NFU1: variants seen among roughly 807,000 people sequenced by gnomAD.
The protein encoded by NFU1 is NFU1 iron-sulfur cluster scaffold.
NFU1 carries 30 observed loss-of-function variants against 32.2 expected under a neutral mutation model. The ratio of observed to expected loss-of-function variants is 0.93; its 90% CI spans 0.70 to 1.26. The LOEUF (loss-of-function observed/expected upper bound fraction) is 1.26. Ranked by LOEUF, NFU1 falls within the 50% of genes most tolerant of loss-of-function variation. NFU1 has a pLI of 0.00. For synonymous variants in NFU1, 112 were observed against 104.6 expected (o/e 1.07, Z -0.43); for missense variants, 306 against 306.6 (o/e 1.00, Z 0.02).
chr2:69,403,401 T>C (rs921487944), intron 6 of NFU1, among the ~76,000 whole-genome samples: 1 of 152,080 alleles, frequency 6.6e-6, no homozygotes, highest in African/African-American at 2.4e-5. Flanking sequence ...CATTTTTTTT[T>C]TTCTGGTGAG....
intron 5 of NFU1, among the ~76,000 whole-genome samples, chr2:69,410,248 G>T (rs1672834164): frequency 6.6e-6 from 1 of 152,062 alleles, no homozygotes; most frequent in African/African-American, 2.4e-5. Context: ...AATCAGTCGG[G>T]CATGGTGTTT....
intron 6 of NFU1, among the ~76,000 whole-genome samples, chr2:69,402,650 C>T (rs1391014378): frequency 6.6e-6 from 1 of 151,848 alleles, no homozygotes; most frequent in African/African-American, 2.4e-5. Context: ...GGCTCGATCT[C>T]GGCTCACTGT....
intron 3 of NFU1, among the ~76,000 whole-genome samples, chr2:69,420,620 T>C (rs1673205749): frequency 6.6e-6 from 1 of 152,226 alleles, no homozygotes; most frequent in Admixed American, 6.5e-5. Flanking sequence ...AGTTGCTTTC[T>C]TCACTTGTAT....
intron 5 of NFU1, among the ~76,000 whole-genome samples, chr2:69,408,734 TTATATATATATATATATA>T (rs70954344): frequency 0.041 from 5,571 of 136,326 alleles, 328 homozygotes; most frequent in African/African-American, 0.12. Context: ...ATATAAAATT[TTATATATATATATATATA>T]TATATATATA....
intron 5 of NFU1, among the ~76,000 whole-genome samples, chr2:69,408,435 A>T (rs1672769321): frequency 6.6e-6 from 1 of 152,220 alleles, no homozygotes; most frequent in East Asian, 1.9e-4. Context: ...ATATATATCA[A>T]AAGGCTGGGC....
chr2:69,423,146 TTGTGTGTGTGTGTGTGTGTGTA>T (rs1673301584), intron 3 of NFU1, among the ~76,000 whole-genome samples: 1 of 132,132 alleles, frequency 7.6e-6, no homozygotes, highest in African/African-American at 3.2e-5. Flanking sequence ...TCAGCTAAAT[TTGTGTGTGTGTGTGTGTGTGTA>T]TGTGTGTGTG....
rs1309213407 is a variant in NFU1 at position 69,437,410 on chromosome 2, C to T, written c.13G>A (p.Ala5Thr). 5 of 1,610,500 alleles carry T rather than the reference C, an allele frequency of 3.1e-6. 1 individual carries two copies. The South Asian group carries it at 4.4e-5, about 14-fold the overall frequency. Residue 5 changes from alanine (A) to threonine (T), a missense_variant, in exon 1 of 8, where the codon GCC becomes ACC. By Grantham distance (58) the Ala-to-Thr change is moderately conservative (BLOSUM62 0). Coordinates refer to ENST00000410022, the MANE Select transcript of NFU1 (RefSeq NM_001002755.4). MAATARRGWGAAAVA... is the reference protein window; with the variant it reads MAATTRRGWGAAAVA... The stretch of plus-strand genomic sequence containing the variant: ...GCCGCAGCTCCCCAGCCCCGCCTGG[C>T]CGTCGCCGCCATCTTAGTCCGGAGT...
intron 4 of NFU1, among the ~76,000 whole-genome samples, chr2:69,418,616 G>A (rs987065378): frequency 5.9e-5 from 9 of 151,990 alleles, no homozygotes; most frequent in Non-Finnish European, 1.2e-4. Context: ...ACAGGCGCCC[G>A]CCACCATGCC....
chr2:69,397,056 A>G (rs1672363633), intron 7 of NFU1, among the ~76,000 whole-genome samples: 1 of 151,706 alleles, frequency 6.6e-6, no homozygotes, highest in African/African-American at 2.4e-5. Flanking sequence ...GCTTGGTGAT[A>G]GAGCAAGACT....
chr2:69,433,049 C>T (rs551910977), intron 1 of NFU1, among the ~76,000 whole-genome samples: 61 of 141,334 alleles, frequency 4.3e-4, no homozygotes, highest in African/African-American at 1.6e-3. Flanking sequence ...ACTCGGGAGG[C>T]TGAGGCAGAG....
At chr2:69,422,266 A>G (rs1036281447) in intron 3 of NFU1, among the ~76,000 whole-genome samples, 2 of 152,194 alleles carry the variant, frequency 1.3e-5, no homozygotes, top group Non-Finnish European at 2.9e-5. Context: ...TGCTACTCAG[A>G]AAAGCAGCAC....
chr2:69,405,974 A>C (rs1672680311), intron 6 of NFU1, 48 bp downstream of exon 6: 4 of 1,213,824 alleles, frequency 3.3e-6, no homozygotes, highest in Non-Finnish European at 4.9e-6. Flanking sequence ...GCTATAATGA[A>C]AAATGCCTCC....
intron 2 of NFU1, among the ~76,000 whole-genome samples, chr2:69,426,663 C>T (rs1330129979): frequency 6.6e-6 from 1 of 152,210 alleles, no homozygotes; most frequent in Non-Finnish European, 1.5e-5. Flanking sequence ...AAAGAGATAA[C>T]ACAATCTTTA....
intron 2 of NFU1, among the ~76,000 whole-genome samples, chr2:69,430,863 G>A (rs530759353): frequency 6.6e-6 from 1 of 152,186 alleles, no homozygotes; most frequent in Non-Finnish European, 1.5e-5. Context: ...GAATCAGCCA[G>A]AGTATGGCCA....
chr2:69,403,033 C>T (rs1449721710), intron 6 of NFU1, among the ~76,000 whole-genome samples: 1 of 148,988 alleles, frequency 6.7e-6, no homozygotes. Context: ...CCCTCCCTCT[C>T]TCTTTCTTTC....
At position 69,420,603 on chromosome 2, in the gene NFU1, T is replaced by G. The variant is rs187551032; in HGVS notation, c.303-999A>C. Reference sequence around the variant, plus strand: ...ACATAGTATCATATTGGACTCACTGTTCTGCAAGTTGCTTTCTTCACTTGT... The same window carrying G: ...ACATAGTATCATATTGGACTCACTGGTCTGCAAGTTGCTTTCTTCACTTGT... On this transcript the variant is annotated intron_variant, in intron 3 of 7. Transcript: ENST00000410022. 2.4e-4 allele frequency among the ~76,000 whole-genome samples: 36 copies of G among 152,330 alleles called. 1 individual carries two copies. In the East Asian group the frequency reaches 6.4e-3, roughly 27 times the overall value.
intron 5 of NFU1, among the ~76,000 whole-genome samples, chr2:69,413,115 T>C (rs554887613): frequency 4.6e-5 from 7 of 150,920 alleles, no homozygotes; most frequent in African/African-American, 1.7e-4. Context: ...TGAAACCCCG[T>C]CTCTACTAAA....
chr2:69,423,272 GTGTGTGTGTGTGTGTGTA>G (rs1673325226), intron 3 of NFU1, among the ~76,000 whole-genome samples: 7 of 137,476 alleles, frequency 5.1e-5, no homozygotes, highest in African/African-American at 1.4e-4. Flanking sequence ...GTGTGTGTGT[GTGTGTGTGTGTGTGTGTA>G]TGTGTGTGTG....
At chr2:69,437,782 G>A (rs1357619693), upstream of NFU1, among the ~76,000 whole-genome samples, 1 of 152,152 alleles carries the variant, frequency 6.6e-6, no homozygotes, top group Non-Finnish European at 1.5e-5. Context: ...CCCTCCTCTA[G>A]GACCCTACTC....
Sources: allele counts gnomAD v4.1 joint callset (sites outside exome capture counted in the v4.1 genomes callset), GRCh38; gene constraint gnomAD v4.1.1; transcripts MANE v1.5; gene names NCBI Gene and HGNC (gene_info 2026-07-23, HGNC 2026-07-21).